GRID2: variants seen among roughly 807,000 people sequenced by gnomAD.
GRID2 encodes glutamate ionotropic receptor delta type subunit 2.
Under a neutral mutation model 114.8 loss-of-function variants are expected in GRID2, and 33 were observed. The observed-to-expected ratio is 0.29, with a 90% confidence interval of 0.22 to 0.38. GRID2 has a LOEUF of 0.38. Among genes scored for constraint, GRID2 ranks in the 10% least tolerant of loss-of-function variants. The probability of loss-of-function intolerance (pLI) is 1.00; values close to 1 mark genes in which losing one functional copy is unlikely to be tolerated. For synonymous variants in GRID2, 505 were observed against 449.9 expected (o/e 1.12, Z -1.55); for missense variants, 1,184 against 1,257.7 (o/e 0.94, Z 0.89).
At chr4:93,283,528 A>C (rs1441930186) in intron 8 of GRID2, among the ~76,000 whole-genome samples, 2 of 152,018 alleles carry the variant, frequency 1.3e-5, no homozygotes, top group African/African-American at 4.8e-5. Context: ...GAAGCCTAGG[A>C]ATGTGTATTT....
At chr4:93,665,689 C>A (rs1723889317) in intron 14 of GRID2, among the ~76,000 whole-genome samples, 1 of 152,118 alleles carries the variant, frequency 6.6e-6, no homozygotes, top group Non-Finnish European at 1.5e-5. Flanking sequence ...CTTGGATATA[C>A]CAAATTTTCT....
rs1307713668 is a variant in GRID2 at position 93,224,766 on chromosome 4, C to T, written c.1116C>T (p.Thr372=). The T allele has an allele frequency of 6.2e-7, 1 of 1,607,246 alleles. No individual in the cohort carries two copies. Among genetic ancestry groups the T allele is most frequent in the Non-Finnish European group, 8.5e-7 (1 of 1,175,688 alleles). The change falls in exon 7 of 16, where the codon ACC becomes ACT. Residue 372 remains threonine (T), a synonymous_variant. Transcript: ENST00000282020. The part of the protein sequence containing the change: ...PWQGGRSMLE[T]IKKGGVSGLT... The stretch of plus-strand genomic sequence containing the variant: ...AGGGTGGGCGCTCCATGTTGGAGAC[C>T]ATCAAGAAGGTAACTTCTTAATTTT...
At chr4:93,340,622 T>C (rs1759551957) in intron 8 of GRID2, among the ~76,000 whole-genome samples, 1 of 152,116 alleles carries the variant, frequency 6.6e-6, no homozygotes, top group Non-Finnish European at 1.5e-5. Context: ...ATGACACTAG[T>C]TCCTCTTTAA....
intron 1 of GRID2, among the ~76,000 whole-genome samples, chr4:92,493,200 A>C (rs1437023977): frequency 6.6e-6 from 1 of 152,128 alleles, no homozygotes; most frequent in Non-Finnish European, 1.5e-5. Context: ...CGCTAAGAAA[A>C]AAGTGGTTTT....
chr4:92,838,454 T>C (rs1742632068), intron 2 of GRID2, among the ~76,000 whole-genome samples: 2 of 152,102 alleles, frequency 1.3e-5, no homozygotes, highest in Non-Finnish European at 2.9e-5. Context: ...CTCTGTACTA[T>C]ATACAGTATT....
At chr4:92,721,183 A>G (rs1161819082) in intron 2 of GRID2, among the ~76,000 whole-genome samples, 1 of 152,102 alleles carries the variant, frequency 6.6e-6, no homozygotes, top group East Asian at 1.9e-4. Context: ...TGTTCAATGG[A>G]CAGAGAATTT....
chr4:92,852,094 C>A (rs1449196261), intron 2 of GRID2, among the ~76,000 whole-genome samples: 6 of 151,744 alleles, frequency 4.0e-5, no homozygotes, highest in Non-Finnish European at 8.8e-5. Context: ...TCATTACAGG[C>A]ACAATGATAG....
chr4:93,702,477 T>G (rs1441051157), intron 14 of GRID2, among the ~76,000 whole-genome samples: 1 of 152,172 alleles, frequency 6.6e-6, no homozygotes, highest in Non-Finnish European at 1.5e-5. Context: ...TAAGATGTGC[T>G]TATTATTTTA....
chr4:93,395,850 A>G lies in GRID2; in HGVS notation c.1347+142A>G, dbSNP rs964808074. 1.2e-5 allele frequency: 6 copies of G among 501,392 alleles called. No individual in the cohort carries two copies. The South Asian group carries it at 1.7e-4, about 14-fold the overall frequency. The allele number at this position is 501,392 out of a possible 1,614,324, so 31.1% of individuals were successfully genotyped here. On this transcript the variant is annotated intron_variant, in intron 9 of 15. Coordinates refer to ENST00000282020, the MANE Select transcript of GRID2 (RefSeq NM_001510.4). ...CTTTCTAAGATTTTTTAATGGTCAT[A>G]TTTCACAGCCTTCAATTTACGTGGA...
At chr4:92,884,140 G>C (rs1385020012) in intron 2 of GRID2, among the ~76,000 whole-genome samples, 1 of 152,176 alleles carries the variant, frequency 6.6e-6, no homozygotes, top group Non-Finnish European at 1.5e-5. Context: ...ATCAGCACCT[G>C]CTGCTTCACT....
chr4:93,687,082 G>A (rs940642401), intron 14 of GRID2, among the ~76,000 whole-genome samples: 2 of 152,002 alleles, frequency 1.3e-5, no homozygotes, highest in African/African-American at 4.8e-5. Context: ...TACCAGTGGA[G>A]ACAGTGAGAA....
At chr4:93,332,293 T>TGAGAGAGAGAGAGAGAGA (rs1182268164) in intron 8 of GRID2, among the ~76,000 whole-genome samples, 15 of 114,694 alleles carry the variant, frequency 1.3e-4, no homozygotes, top group South Asian at 6.1e-4. Flanking sequence ...TGTGTGTGTG[T>TGAGAGAGAGAGAGAGAGA]GTGTGTGAGA....
chr4:93,172,589 C>G (rs929454798), intron 4 of GRID2, among the ~76,000 whole-genome samples: 1 of 150,316 alleles, frequency 6.7e-6, no homozygotes, highest in African/African-American at 2.5e-5. Context: ...GAGACTCCAT[C>G]TCAAAAAAAA....
intron 2 of GRID2, among the ~76,000 whole-genome samples, chr4:92,984,060 T>G (rs2149192478): frequency 6.6e-6 from 1 of 152,334 alleles, no homozygotes; most frequent in South Asian, 2.1e-4. Flanking sequence ...AATTTGATCA[T>G]CTGTGATGTT....
At chr4:92,914,783 G>C (rs1337311203) in intron 2 of GRID2, among the ~76,000 whole-genome samples, 1 of 152,028 alleles carries the variant, frequency 6.6e-6, no homozygotes. Context: ...GTATTCTATG[G>C]TATATCTGAA....
chr4:92,478,866 G>A (rs916484176), intron 1 of GRID2, among the ~76,000 whole-genome samples: 4 of 151,940 alleles, frequency 2.6e-5, no homozygotes, highest in African/African-American at 9.7e-5. Flanking sequence ...TGCTAATAAG[G>A]TAATTCTGGC....
chr4:92,946,712 TCA>T (rs1402501510), intron 2 of GRID2, among the ~76,000 whole-genome samples: 1 of 152,072 alleles, frequency 6.6e-6, no homozygotes. Context: ...ACAGAAAGTC[TCA>T]CAACTTTCTG....
At chr4:92,479,595 G>A (rs1019047625) in intron 1 of GRID2, among the ~76,000 whole-genome samples, 3 of 152,090 alleles carry the variant, frequency 2.0e-5, no homozygotes, top group African/African-American at 7.2e-5. Context: ...CATTCATTAA[G>A]TTCACATGGA....
At chr4:92,575,285 T>C in intron 1 of GRID2, among the ~76,000 whole-genome samples, 1 of 152,222 alleles carries the variant, frequency 6.6e-6, no homozygotes, top group Non-Finnish European at 1.5e-5. Flanking sequence ...AAAGTTTGTT[T>C]TTATCTGCAT....
Sources: allele counts gnomAD v4.1 joint callset (sites outside exome capture counted in the v4.1 genomes callset), GRCh38; gene constraint gnomAD v4.1.1; transcripts MANE v1.5; gene names NCBI Gene and HGNC (gene_info 2026-07-23, HGNC 2026-07-21).